The following VPS13D variants were observed in gnomAD, a reference collection of about 807,000 sequenced individuals.
VPS13D encodes intermembrane lipid transfer protein VPS13D.
A neutral mutation model predicts 461.9 loss-of-function variants in VPS13D; 187 were observed. The ratio of observed to expected loss-of-function variants is 0.40; its 90% CI spans 0.36 to 0.46. VPS13D has a LOEUF of 0.46. Ranked by LOEUF, VPS13D falls within the 20% of genes least tolerant of loss-of-function variation. The pLI is 0.60. For missense variants in VPS13D, 4,711 were observed against 5,364.9 expected, an observed-to-expected ratio of 0.88 and a Z score of 3.81; for synonymous variants, 1,951 against 1,986.3, an observed-to-expected ratio of 0.98 and a Z score of 0.47.
In VPS13D at chr1:12,375,500, C is replaced by T. The variant is rs375122678; in HGVS notation, c.10917+1642C>T. 2.4e-4 allele frequency among the ~76,000 whole-genome samples: 36 copies of T among 152,336 alleles called. No homozygotes were observed. In the East Asian group the frequency reaches 3.5e-3, roughly 15 times the overall value. ...GTTCATTCTAATTTTCTCCCTTTCC[C>T]TATTTGTACTTCCCTTGTCCAGCAC... is the stretch of plus-strand genomic sequence containing the variant. On this transcript the variant is annotated intron_variant, in intron 55 of 69. Transcript: ENST00000620676.
At chr1:12,362,404 A>G (rs1056176278) in intron 50 of VPS13D, among the ~76,000 whole-genome samples, 6 of 152,168 alleles carry the variant, frequency 3.9e-5, no homozygotes, top group Admixed American at 2.6e-4. Flanking sequence ...ATAAATGGAA[A>G]CCTAACATAT....
At chr1:12,392,289 T>C (rs1367171626) in intron 60 of VPS13D, among the ~76,000 whole-genome samples, 2 of 152,072 alleles carry the variant, frequency 1.3e-5, no homozygotes, top group Admixed American at 6.6e-5. Flanking sequence ...GTCAGGAGTT[T>C]GGCCAACATG....
At chr1:12,252,690 T>G (rs529577933) in intron 6 of VPS13D, among the ~76,000 whole-genome samples, 76 of 150,744 alleles carry the variant, frequency 5.0e-4, no homozygotes, top group African/African-American at 1.8e-3. Context: ...GAGAATCGCT[T>G]GAACCTGGGA....
intron 60 of VPS13D, among the ~76,000 whole-genome samples, chr1:12,392,337 C>T (rs997896058): frequency 4.0e-5 from 6 of 151,448 alleles, no homozygotes; most frequent in Non-Finnish European, 7.4e-5. Context: ...AAAGATTATC[C>T]GGGCAGTGGC....
chr1:12,384,539 A>G (rs1644325472), intron 58 of VPS13D, among the ~76,000 whole-genome samples: 1 of 152,228 alleles, frequency 6.6e-6, no homozygotes, highest in Admixed American at 6.5e-5. Context: ...TAGCGTAATC[A>G]GAACAAAGGA....
intron 65 of VPS13D, among the ~76,000 whole-genome samples, chr1:12,454,083 T>C (rs1645296062): frequency 6.6e-6 from 1 of 152,172 alleles, no homozygotes; most frequent in Non-Finnish European, 1.5e-5. Context: ...ACAGTAAGAA[T>C]GCTAACTAGA....
At position 12,276,086 on chromosome 1, in the gene VPS13D, A is replaced by T. The variant is rs1641602508; in HGVS notation, c.2498A>T (p.Asp833Val). 1 of 1,614,132 alleles carries T rather than the reference A, an allele frequency of 6.2e-7. No homozygotes were observed. Reference protein sequence around the residue: ...DLQIMVGRVKDNWKHVQDIDV... With the variant: ...DLQIMVGRVKVNWKHVQDIDV... Reference sequence around the variant, plus strand: ...CAGATCATGGTTGGACGAGTGAAAGACAATTGGAAGCATGTCCAGGATATT... The same window carrying T: ...CAGATCATGGTTGGACGAGTGAAAGTCAATTGGAAGCATGTCCAGGATATT... Residue 833 changes from aspartate to valine, a missense_variant, in exon 19 of 70, where the codon GAC becomes GTC. Transcript: ENST00000620676. The surrounding 1 kb of genome is among the most constrained non-coding windows in gnomAD (Gnocchi z 4.5).
rs1644580270 is a variant in VPS13D at position 12,401,481 on chromosome 1, T to C, written c.11785-127T>C. 7 of 587,196 alleles carry C rather than the reference T, an allele frequency of 1.2e-5. No individual in the cohort carries two copies. In the Admixed American group the frequency reaches 1.6e-4, roughly 13 times the overall value. The allele number at this position is 587,196 out of a possible 1,614,324, so 36.4% of individuals were successfully genotyped here. A position where few individuals can be genotyped will look rare whatever the true frequency, so the allele number is the denominator to read the frequency against. ...ATAGAGAGAGATAACCCAGAAATAATTTGGCATTATAGTTATAAAGCCACA... is the reference window on the plus strand; with the variant it reads ...ATAGAGAGAGATAACCCAGAAATAACTTGGCATTATAGTTATAAAGCCACA... On this transcript the variant is annotated intron_variant, in intron 61 of 69. Coordinates refer to ENST00000620676, the MANE Select transcript of VPS13D (RefSeq NM_015378.4).
Position 12,509,147 on chromosome 1 carries a change from G to A in VPS13D, c.*123G>A. On this transcript the variant is annotated 3_prime_UTR_variant, in exon 70 of 70. Coordinates refer to ENST00000620676, the MANE Select transcript of VPS13D (RefSeq NM_015378.4). ...GGGTTTGGGGAAGTTGTCAAGGAAT[G>A]AGGGAAAGTAAATCCTCATGAGGAA... 1 of 1,231,938 alleles carries A rather than the reference G, an allele frequency of 8.1e-7. No individual in the cohort carries two copies. The highest frequency in any genetic ancestry group is 1.1e-6 in the Non-Finnish European group (1 of 909,858). 76.3% of individuals were successfully genotyped at this position (1,231,938 alleles called of 1,614,324 possible). A position where few individuals can be genotyped will look rare whatever the true frequency, so the allele number is the denominator to read the frequency against.
At chr1:12,369,837 A>T in intron 54 of VPS13D, 135 bp downstream of exon 54, 3 of 801,300 alleles carry the variant, frequency 3.7e-6, no homozygotes, top group Non-Finnish European at 5.8e-6. Flanking sequence ...CCCTGGGCTC[A>T]GTGTCTATCT....
At chr1:12,307,291 G>T (rs1276880490) in intron 26 of VPS13D, among the ~76,000 whole-genome samples, 1 of 152,132 alleles carries the variant, frequency 6.6e-6, no homozygotes, top group Non-Finnish European at 1.5e-5. Flanking sequence ...GAAGAGAGAA[G>T]ACTGAATTTA....
At chr1:12,349,497 T>C in intron 46 of VPS13D, 123 bp downstream of exon 46, 1 of 1,006,910 alleles carries the variant, frequency 9.9e-7, no homozygotes, top group South Asian at 1.7e-5. Flanking sequence ...ACTCTAAAGT[T>C]CTTATTCCTT....
intron 65 of VPS13D, among the ~76,000 whole-genome samples, chr1:12,428,277 C>T (rs990780306): frequency 2.6e-5 from 4 of 152,146 alleles, no homozygotes; most frequent in Admixed American, 1.3e-4. Flanking sequence ...GATGTGGAGG[C>T]GCAGTTGGTC....
chr1:12,386,032 C>T (rs988319108), intron 59 of VPS13D, among the ~76,000 whole-genome samples, 153 bp from the exon 60 acceptor site: 4 of 152,132 alleles, frequency 2.6e-5, no homozygotes, highest in African/African-American at 9.7e-5. Flanking sequence ...CATTTGAGCC[C>T]TCCAGGTAAA....
At chr1:12,363,900 CTCAG>C (rs1643989978) in intron 52 of VPS13D, among the ~76,000 whole-genome samples, 1 of 127,960 alleles carries the variant, frequency 7.8e-6, no homozygotes, top group South Asian at 2.6e-4. Context: ...TTGTGGTGAG[CTCAG>C]ATCACGCCAC....
At chr1:12,248,721 A>C (rs188311622) in intron 5 of VPS13D, among the ~76,000 whole-genome samples, 68 of 152,350 alleles carry the variant, frequency 4.5e-4, no homozygotes, top group African/African-American at 1.6e-3. Flanking sequence ...GGGGAAATAC[A>C]TATATACATA....
At position 12,276,830 on chromosome 1, in the gene VPS13D, A is replaced by G; in HGVS notation, c.3242A>G (p.Lys1081Arg). ...ILTKEQESLI[K>R]LEYQFVSSEC... Reference sequence around the variant, plus strand: ...ACCAAAGAGCAAGAGTCCCTTATTAAGTTGGAATATCAGTTTGTGAGTTCA... The same window carrying G: ...ACCAAAGAGCAAGAGTCCCTTATTAGGTTGGAATATCAGTTTGTGAGTTCA... Residue 1081 changes from lysine to arginine, a missense_variant, in exon 19 of 70, where the codon AAG becomes AGG. Physicochemically the swap from Lys to Arg is conservative, Grantham distance 26. Around this residue, in one of 3 missense-constraint regions of VPS13D, gnomAD observed 4,411 missense variants for 4,937.8 expected, o/e 0.89. Transcript: ENST00000620676. This position sits in a 1 kb window ranked among gnomAD's most constrained non-coding sequence, Gnocchi z 4.5. 6.2e-7 allele frequency: 1 copy of G among 1,614,188 alleles called. No individual in the cohort carries two copies. Among genetic ancestry groups the G allele is most frequent in the East Asian group, 2.2e-5 (1 of 44,880 alleles).
chr1:12,415,142 A>G lies in VPS13D; in HGVS notation c.12086A>G (p.Asn4029Ser), dbSNP rs767740196. ...PLIRFEDAVI[N>S]LDPFTRVHPY... is the part of the protein sequence containing the mutation. ...ATACGGTTTGAAGACGCTGTGATTA[A>G]TCTAGATCCATTCACTCGGGTACAT... Residue 4029 changes from asparagine (N) to serine (S), a missense_variant, in exon 64 of 70, where the codon AAT becomes AGT. By Grantham distance (46) the Asn-to-Ser change is conservative (BLOSUM62 1). This residue lies in a region of VPS13D where 4,411 missense variants were observed against 4,937.8 expected (regional missense o/e 0.89). Coordinates refer to ENST00000620676, the MANE Select transcript of VPS13D (RefSeq NM_015378.4). The G allele has an allele frequency of 6.2e-7, 1 of 1,614,108 alleles. No individual in the cohort carries two copies. The highest frequency in any genetic ancestry group is 1.1e-5 in the South Asian group (1 of 91,080).
intron 47 of VPS13D, among the ~76,000 whole-genome samples, chr1:12,355,630 A>G (rs957509056): frequency 6.6e-6 from 1 of 152,070 alleles, no homozygotes; most frequent in Non-Finnish European, 1.5e-5. Context: ...TTAGAATATC[A>G]AAATATCTAA....
Sources: gnomAD v4.1 joint callset for allele counts (sites outside exome capture counted in the v4.1 genomes callset) on GRCh38, gnomAD v4.1.1 for gene constraint, gnomAD v4.1.1 regional missense constraint, Gnocchi (gnomAD v3.1) non-coding constraint, MANE v1.5 for transcripts, NCBI Gene and HGNC (gene_info 2026-07-23, HGNC 2026-07-21) for gene names.